The following PIGK variants were observed in gnomAD, a reference collection of about 807,000 sequenced individuals.
PIGK encodes phosphatidylinositol glycan anchor biosynthesis class K, also known as GPI-anchor transamidase.
In PIGK, 42 loss-of-function variants were observed where a neutral mutation model predicts 50.6. The ratio of observed to expected loss-of-function variants is 0.83; its 90% confidence interval spans 0.65 to 1.07. PIGK has a LOEUF of 1.07. Among genes scored for constraint, PIGK ranks in the 50% least tolerant of loss-of-function variants. The pLI is 0.00. For synonymous variants in PIGK, 151 were observed against 156.0 expected (o/e 0.97, Z 0.24); for missense variants, 448 against 488.7 (o/e 0.92, Z 0.78).
chr1:77,172,419 T>C (rs1655387979), intron 3 of PIGK, among the ~76,000 whole-genome samples: 1 of 152,176 alleles, frequency 6.6e-6, no homozygotes, highest in African/African-American at 2.4e-5. Flanking sequence ...TCTTCCGCCA[T>C]GTGGCTGCAT....
intron 5 of PIGK, among the ~76,000 whole-genome samples, chr1:77,166,124 A>G (rs1266976428): frequency 6.6e-6 from 1 of 152,216 alleles, no homozygotes; most frequent in African/African-American, 2.4e-5. Context: ...TAGCTAAATC[A>G]TTACATATAT....
intron 3 of PIGK, among the ~76,000 whole-genome samples, chr1:77,197,707 A>G (rs1656068210): frequency 6.6e-6 from 1 of 152,166 alleles, no homozygotes; most frequent in African/African-American, 2.4e-5. Context: ...GGCCTAACTC[A>G]CTAACAGAAC....
Position 77,143,522 on chromosome 1 carries a change from TA to T in PIGK, c.986+10926del, listed in dbSNP as rs1252223811. ...TTTTTCCCCCATAATAAAAGCCATA[TA>T]AAAAAATTTACATATAGAGAGAAAT... On this transcript the variant is annotated intron_variant, in intron 9 of 10. Coordinates refer to ENST00000370812, the MANE Select transcript of PIGK (RefSeq NM_005482.3). 3.9e-5 allele frequency among the ~76,000 whole-genome samples: 6 copies of T among 152,166 alleles called. No homozygotes were observed. The East Asian group carries it at 1.2e-3, about 29-fold the overall frequency.
chr1:77,201,118 G>C (rs1257698616), intron 3 of PIGK, among the ~76,000 whole-genome samples: 1 of 152,118 alleles, frequency 6.6e-6, no homozygotes, highest in Non-Finnish European at 1.5e-5. Flanking sequence ...GCAGCATAAA[G>C]AGCAATAGGC....
intron 10 of PIGK, among the ~76,000 whole-genome samples, chr1:77,095,203 A>C (rs1161288112): frequency 6.6e-6 from 1 of 152,154 alleles, no homozygotes; most frequent in African/African-American, 2.4e-5. Flanking sequence ...CCACCTTCTC[A>C]CAATAATCCA....
intron 10 of PIGK, among the ~76,000 whole-genome samples, chr1:77,114,032 A>ATT (rs528892103): frequency 3.2e-4 from 49 of 152,258 alleles, no homozygotes; most frequent in African/African-American, 1.1e-3. Context: ...TTGCTGAAGA[A>ATT]TTTTGAACTA....
rs147864669 is a variant in PIGK at position 77,201,356 on chromosome 1, T to C, written c.239+5284A>G. On this transcript the variant is annotated intron_variant, in intron 3 of 10. Transcript: ENST00000370812. ...AATACATAAGGTCAAGGGTGACTTGTTTTGGGCAAGACTCTTACGGATTTC... is the reference window on the plus strand; with the variant it reads ...AATACATAAGGTCAAGGGTGACTTGCTTTGGGCAAGACTCTTACGGATTTC... Among the ~76,000 whole-genome samples the C allele has an allele frequency of 2.3e-3, 351 of 152,300 alleles. 2 individuals are homozygous for C. Among genetic ancestry groups the C allele is most frequent in the Non-Finnish European group, 3.4e-3 (232 of 68,022 alleles).
chr1:77,184,464 T>G (rs1202455100), intron 3 of PIGK, among the ~76,000 whole-genome samples: 2 of 152,198 alleles, frequency 1.3e-5, no homozygotes, highest in Non-Finnish European at 2.9e-5. Context: ...TCTCCCATCC[T>G]TCCCACAAGA....
intron 10 of PIGK, among the ~76,000 whole-genome samples, chr1:77,109,387 A>T (rs2100517855): frequency 6.6e-6 from 1 of 152,356 alleles, no homozygotes; most frequent in Middle Eastern, 3.4e-3. Context: ...CAAATCCAGC[A>T]GCACATCAAA....
intron 4 of PIGK, 95 bp downstream of exon 4, chr1:77,169,165 A>T: frequency 1.3e-6 from 1 of 773,336 alleles, no homozygotes; most frequent in Non-Finnish European, 1.9e-6. Context: ...AATTAAATTT[A>T]AAGAAAAATA....
At chr1:77,212,105 G>A (rs901060653) in intron 1 of PIGK, among the ~76,000 whole-genome samples, 4 of 152,002 alleles carry the variant, frequency 2.6e-5, no homozygotes. Flanking sequence ...ATTAAAGTAA[G>A]TCTAAATTAT....
At chr1:77,157,960 C>T (rs1021099360) in intron 8 of PIGK, among the ~76,000 whole-genome samples, 32 of 152,120 alleles carry the variant, frequency 2.1e-4, no homozygotes, top group Admixed American at 2.0e-3. Context: ...GATTGTGAGG[C>T]CTCTCCAGCC....
At chr1:77,130,831 G>A (rs1654357300) in intron 9 of PIGK, among the ~76,000 whole-genome samples, 2 of 152,074 alleles carry the variant, frequency 1.3e-5, no homozygotes, top group South Asian at 2.1e-4. Context: ...TTCCACTTAT[G>A]AGTTGTGTGA....
chr1:77,195,379 A>G, intron 3 of PIGK: 1 of 1,203,382 alleles, frequency 8.3e-7, no homozygotes, highest in Non-Finnish European at 1.2e-6. Flanking sequence ...GGACTACATC[A>G]GCACGCAGAG....
chr1:77,206,795 T>C, intron 2 of PIGK, 64 bp from the exon 3 acceptor site: 1 of 958,534 alleles, frequency 1.0e-6, no homozygotes, highest in Admixed American at 1.8e-5. Context: ...CTGCAGAGTA[T>C]TTTTCTTTAA....
At chr1:77,195,386 A>T in intron 3 of PIGK, 1 of 1,191,990 alleles carries the variant, frequency 8.4e-7, no homozygotes, top group African/African-American at 1.5e-5. Context: ...ATCAGCACGC[A>T]GAGTGCTAAG....
intron 3 of PIGK, among the ~76,000 whole-genome samples, chr1:77,200,292 G>A (rs976775299): frequency 4.0e-4 from 60 of 151,790 alleles, no homozygotes; most frequent in African/African-American, 1.4e-3. Flanking sequence ...GAAGAAGCAT[G>A]AAGTACATGA....
chr1:77,204,798 A>C (rs920281355), intron 3 of PIGK, among the ~76,000 whole-genome samples: 5 of 152,194 alleles, frequency 3.3e-5, no homozygotes, highest in Non-Finnish European at 5.9e-5. Flanking sequence ...TTTAAAATAC[A>C]AACTGTGTTT....
chr1:77,165,874 A>C (rs1432363064), intron 5 of PIGK, among the ~76,000 whole-genome samples: 1 of 152,156 alleles, frequency 6.6e-6, no homozygotes, highest in African/African-American at 2.4e-5. Context: ...CAACAGGTGT[A>C]AACTACAACT....
Sources: gnomAD v4.1 joint callset for allele counts (sites outside exome capture counted in the v4.1 genomes callset) on GRCh38, gnomAD v4.1.1 for gene constraint, MANE v1.5 for transcripts, NCBI Gene and HGNC (gene_info 2026-07-23, HGNC 2026-07-21) for gene names.